The following GATAD2B variants were observed in gnomAD, a reference collection of about 807,000 sequenced individuals.
The protein encoded by GATAD2B is transcriptional repressor p66-beta.
In GATAD2B, 8 loss-of-function variants were observed where a neutral mutation model predicts 64.3. That is an observed-to-expected ratio of 0.12 (90% confidence interval 0.07 to 0.22). The LOEUF (loss-of-function observed/expected upper bound fraction) is 0.22, where lower values mean the gene tolerates loss of function less well. GATAD2B is among the 10% of genes least tolerant of loss of function. GATAD2B has a pLI of 1.00. For synonymous variants in GATAD2B, 281 were observed against 271.3 expected (o/e 1.04, Z -0.35); for missense variants, 453 against 752.0 (o/e 0.60, Z 4.65).
chr1:153,891,764 C>T lies in GATAD2B; in HGVS notation c.-2+30969G>A, dbSNP rs185996364. 2.0e-4 allele frequency among the ~76,000 whole-genome samples: 30 copies of T among 151,394 alleles called. 1 individual carries two copies. The highest frequency in any genetic ancestry group is 7.3e-4 in the African/African-American group (30 of 41,288). ...ACTTTTTCCAATTGTAAATTCTGTACCATGTGCATATATCACCTATCCAAA... is the reference window on the plus strand; with the variant it reads ...ACTTTTTCCAATTGTAAATTCTGTATCATGTGCATATATCACCTATCCAAA... On this transcript the variant is annotated intron_variant, in intron 1 of 10. Coordinates refer to ENST00000368655, the MANE Select transcript of GATAD2B (RefSeq NM_020699.4).
At chr1:153,858,483 C>A (rs187608664) in intron 1 of GATAD2B, among the ~76,000 whole-genome samples, 1 of 152,008 alleles carries the variant, frequency 6.6e-6, no homozygotes, top group African/African-American at 2.4e-5. Context: ...CATGCACCTG[C>A]GGTCCCAGCT....
At chr1:153,887,190 G>A (rs1010166370) in intron 1 of GATAD2B, among the ~76,000 whole-genome samples, 6 of 152,128 alleles carry the variant, frequency 3.9e-5, no homozygotes, top group African/African-American at 1.4e-4. Flanking sequence ...CAGTTCTTTG[G>A]AGATGAGGAT....
rs996663870 is a variant in GATAD2B at position 153,841,205 on chromosome 1, C to A, written c.-1-12857G>T. On this transcript the variant is annotated intron_variant, in intron 1 of 10. Coordinates refer to ENST00000368655, the MANE Select transcript of GATAD2B (RefSeq NM_020699.4). ...CATGTACCCTTTATCTAGTTTCCCC[C>A]AATGGTAACATCTTGCAAAACTATA... Among the ~76,000 whole-genome samples the A allele has an allele frequency of 2.6e-5, 4 of 151,858 alleles. No homozygotes were observed. In the South Asian group the frequency reaches 8.3e-4, roughly 32 times the overall value.
chr1:153,886,924 CT>C (rs895596792), intron 1 of GATAD2B, among the ~76,000 whole-genome samples: 8 of 151,992 alleles, frequency 5.3e-5, no homozygotes, highest in African/African-American at 1.7e-4. Context: ...TTAACTTACA[CT>C]TAAAATTATT....
At chr1:153,864,518 G>A in intron 1 of GATAD2B, among the ~76,000 whole-genome samples, 1 of 152,172 alleles carries the variant, frequency 6.6e-6, no homozygotes, top group East Asian at 1.9e-4. Context: ...TTGGAATGCT[G>A]AGACAGGAGG....
intron 1 of GATAD2B, among the ~76,000 whole-genome samples, chr1:153,917,891 T>G (rs1049670860): frequency 6.6e-6 from 1 of 152,170 alleles, no homozygotes; most frequent in South Asian, 2.1e-4. Context: ...GCATGAGGGA[T>G]GGGAACTGAC....
Position 153,816,011 on chromosome 1 carries a change from C to T in GATAD2B, c.1216+262G>A, listed in dbSNP as rs1674467975. Among the ~76,000 whole-genome samples, 1 of 151,074 alleles carries T rather than the reference C, an allele frequency of 6.6e-6. No homozygotes were observed. The highest frequency in any genetic ancestry group is 1.5e-5 in the Non-Finnish European group (1 of 67,828). On this transcript the variant is annotated intron_variant, in intron 7 of 10. Coordinates refer to ENST00000368655, the MANE Select transcript of GATAD2B (RefSeq NM_020699.4). The surrounding 1 kb of genome is among the most constrained non-coding windows in gnomAD (Gnocchi z 4.9). ...GAGGTTGCAGTGAACTGAGATTGTG[C>T]CACTGCACTCCAGCCTGGGCAACAG...
intron 1 of GATAD2B, among the ~76,000 whole-genome samples, chr1:153,846,422 G>A (rs1256700672): frequency 1.3e-5 from 2 of 151,890 alleles, no homozygotes; most frequent in African/African-American, 4.8e-5. Context: ...TTTTTTTGTA[G>A]AGATGGGGTT....
chr1:153,851,528 G>C (rs1389160091), intron 1 of GATAD2B, among the ~76,000 whole-genome samples: 3 of 152,120 alleles, frequency 2.0e-5, no homozygotes, highest in African/African-American at 7.2e-5. Context: ...CTTCTCTGAT[G>C]ATTAGCAATG....
At chr1:153,920,226 G>A (rs1383555239) in intron 1 of GATAD2B, among the ~76,000 whole-genome samples, 1 of 152,230 alleles carries the variant, frequency 6.6e-6, no homozygotes, top group Non-Finnish European at 1.5e-5. Flanking sequence ...ACTGCTTAAA[G>A]GTGAGATGAA....
intron 2 of GATAD2B, among the ~76,000 whole-genome samples, chr1:153,820,634 T>C (rs1426840917): frequency 6.6e-6 from 1 of 152,170 alleles, no homozygotes; most frequent in Non-Finnish European, 1.5e-5. Flanking sequence ...TTGGTCCTTT[T>C]TTTTTTCCCT....
At chr1:153,922,272 T>C (rs1557838509) in intron 1 of GATAD2B, among the ~76,000 whole-genome samples, 1 of 125,826 alleles carries the variant, frequency 7.9e-6, no homozygotes, top group Non-Finnish European at 1.7e-5. Context: ...AGGGCACCAC[T>C]GGGGGTGGAG....
intron 1 of GATAD2B, among the ~76,000 whole-genome samples, chr1:153,891,142 C>G (rs1677375619): frequency 6.6e-6 from 1 of 150,876 alleles, no homozygotes; most frequent in African/African-American, 2.4e-5. Context: ...TGAGATCGCA[C>G]CATTGCACTC....
intron 1 of GATAD2B, among the ~76,000 whole-genome samples, chr1:153,914,138 G>A (rs1678184463): frequency 1.3e-5 from 2 of 149,456 alleles, no homozygotes; most frequent in Admixed American, 1.3e-4. Context: ...AGCTACTGGG[G>A]AGGCTGACAC....
At chr1:153,830,123 G>T (rs1675023062) in intron 1 of GATAD2B, among the ~76,000 whole-genome samples, 1 of 152,040 alleles carries the variant, frequency 6.6e-6, no homozygotes, top group African/African-American at 2.4e-5. Flanking sequence ...ACCAAAAAAT[G>T]AAACACACAC....
chr1:153,870,714 T>C (rs565313371), intron 1 of GATAD2B, among the ~76,000 whole-genome samples: 2 of 152,306 alleles, frequency 1.3e-5, no homozygotes, highest in African/African-American at 2.4e-5. Flanking sequence ...AAGGTATATA[T>C]GAAACAAATC....
At chr1:153,899,843 T>TA (rs1408620590) in intron 1 of GATAD2B, among the ~76,000 whole-genome samples, 1 of 152,126 alleles carries the variant, frequency 6.6e-6, no homozygotes, top group Admixed American at 6.6e-5. Flanking sequence ...GAGAATAACT[T>TA]AAAGTCTAAC....
chr1:153,848,215 C>T (rs11264465), intron 1 of GATAD2B, among the ~76,000 whole-genome samples: 3,525 of 152,290 alleles, frequency 0.023, 136 homozygotes, highest in African/African-American at 0.078. Context: ...CAGCAAAATT[C>T]CTCAAGAGTT....
chr1:153,891,700 TTC>T (rs1677411071), intron 1 of GATAD2B, among the ~76,000 whole-genome samples: 2 of 149,008 alleles, frequency 1.3e-5, no homozygotes, highest in Non-Finnish European at 3.0e-5. Context: ...GTAGATTAAG[TTC>T]TGTCTCCAAA....
Sources: allele counts gnomAD v4.1 joint callset (sites outside exome capture counted in the v4.1 genomes callset), GRCh38; gene constraint gnomAD v4.1.1; non-coding constraint Gnocchi (gnomAD v3.1); transcripts MANE v1.5; gene names NCBI Gene and HGNC (gene_info 2026-07-23, HGNC 2026-07-21).